Variants in SYNJ2 observed in about 807,000 individuals in gnomAD.
SYNJ2 encodes synaptojanin 2.
SYNJ2 carries 116 observed loss-of-function variants against 141.3 expected under a neutral mutation model. That is an observed-to-expected ratio of 0.82 (90% CI 0.71 to 0.96). SYNJ2 has a LOEUF of 0.96. Ranked by LOEUF, SYNJ2 falls within the 40% of genes least tolerant of loss-of-function variation. The probability of loss-of-function intolerance (pLI) is 0.00; values close to 1 mark genes in which losing one functional copy is unlikely to be tolerated. For synonymous variants in SYNJ2, 745 were observed against 777.7 expected, an observed-to-expected ratio of 0.96 and a Z score of 0.70; for missense variants, 1,873 against 1,934.8, an observed-to-expected ratio of 0.97 and a Z score of 0.60.
At chr6:157,991,649 G>A (rs1583283896) in intron 1 of SYNJ2, among the ~76,000 whole-genome samples, 2 of 152,268 alleles carry the variant, frequency 1.3e-5, no homozygotes, top group South Asian at 2.1e-4. Context: ...ACATGTCACT[G>A]TCACCATCGC....
chr6:158,042,093 GCC>G (rs1562350120), intron 4 of SYNJ2, among the ~76,000 whole-genome samples: 2 of 152,238 alleles, frequency 1.3e-5, no homozygotes, highest in African/African-American at 4.8e-5. Flanking sequence ...GGGCACACAC[GCC>G]GGTCAGTTGT....
Position 158,094,088 on chromosome 6 carries a change from T to C in SYNJ2, c.3744+984T>C, listed in dbSNP as rs909966937. On this transcript the variant is annotated intron_variant, in intron 26 of 26. Transcript: ENST00000355585. ...ACGATGCTGCTTCCCCCCTAGAGAG[T>C]GTGAGGGGGGCTTCGGCTTCACTCT... The C allele has an allele frequency of 5.8e-6, 4 of 691,452 alleles. No individual in the cohort carries two copies. The South Asian group carries it at 6.4e-5, about 11-fold the overall frequency. 42.8% of individuals were successfully genotyped at this position (691,452 alleles called of 1,614,324 possible).
At chr6:158,069,455 G>A in intron 13 of SYNJ2, 78 bp from the exon 14 acceptor site, 1 of 1,537,704 alleles carries the variant, frequency 6.5e-7, no homozygotes, top group East Asian at 2.3e-5. Context: ...AATAGGCTTG[G>A]GCTGGAGCAT....
Position 158,059,240 on chromosome 6 carries a change from C to G in SYNJ2, c.858-17C>G. 6.5e-7 allele frequency: 1 copy of G among 1,541,976 alleles called. No individual in the cohort carries two copies. Among genetic ancestry groups the G allele is most frequent in the Non-Finnish European group, 8.7e-7 (1 of 1,143,788 alleles). Reference sequence around the variant, plus strand: ...GTGCCCGTGCCCAGCATCACGCCCACCCCGCTGCCTTTGCAGGCACATGGT... The same window carrying G: ...GTGCCCGTGCCCAGCATCACGCCCAGCCCGCTGCCTTTGCAGGCACATGGT... On this transcript the variant is annotated splice_polypyrimidine_tract_variant and intron_variant, in intron 6 of 26. Transcript: ENST00000355585.
intron 1 of SYNJ2, among the ~76,000 whole-genome samples, chr6:157,999,125 G>T (rs1335253839): frequency 2.0e-5 from 3 of 152,228 alleles, no homozygotes; most frequent in Admixed American, 6.5e-5. Flanking sequence ...GTTCAACAGA[G>T]AAATTGGCAA....
At chr6:158,050,292 C>A (rs1172269935) in intron 5 of SYNJ2, among the ~76,000 whole-genome samples, 1 of 152,242 alleles carries the variant, frequency 6.6e-6, no homozygotes, top group Non-Finnish European at 1.5e-5. Flanking sequence ...TCTGGCTCAG[C>A]AGATCTGGGG....
At chr6:157,991,143 A>G (rs953798980) in intron 1 of SYNJ2, among the ~76,000 whole-genome samples, 1 of 152,158 alleles carries the variant, frequency 6.6e-6, no homozygotes, top group African/African-American at 2.4e-5. Context: ...GAATGATTCT[A>G]AGGAGGGGAA....
intron 7 of SYNJ2, among the ~76,000 whole-genome samples, chr6:158,060,087 G>A (rs907546925): frequency 1.3e-5 from 2 of 152,200 alleles, no homozygotes; most frequent in African/African-American, 4.8e-5. Context: ...CCGGCCTCAG[G>A]GCTCAGGAGC....
chr6:158,071,679 A>T lies in SYNJ2; in HGVS notation c.2018A>T (p.Gln673Leu). The T allele has an allele frequency of 6.2e-7, 1 of 1,614,110 alleles. No individual in the cohort carries two copies. The highest frequency in any genetic ancestry group is 8.5e-7 in the Non-Finnish European group (1 of 1,180,020). Reference sequence around the variant, plus strand: ...AAGGGCGCCGTCGGCATCCGCTTCCAGTTCCACAGCACCAGCTTCTGCTTC... The same window carrying T: ...AAGGGCGCCGTCGGCATCCGCTTCCTGTTCCACAGCACCAGCTTCTGCTTC... ...GNKGAVGIRF[Q>L]FHSTSFCFIC... Residue 673 changes from glutamine to leucine, a missense_variant, in exon 15 of 27, where the codon CAG (glutamine) becomes CTG (leucine). Gln to Leu is a moderately radical substitution (Grantham distance 113, BLOSUM62 -2). Transcript: ENST00000355585. The surrounding 1 kb of genome is among the most constrained non-coding windows in gnomAD (Gnocchi z 4.3).
intron 1 of SYNJ2, among the ~76,000 whole-genome samples, chr6:158,003,503 T>G (rs1231469300): frequency 6.6e-6 from 1 of 152,176 alleles, no homozygotes; most frequent in East Asian, 1.9e-4. Context: ...TTTGGCCTCT[T>G]GAGACCCTGA....
intron 1 of SYNJ2, among the ~76,000 whole-genome samples, chr6:158,006,007 G>A (rs1056624743): frequency 1.3e-5 from 2 of 152,080 alleles, no homozygotes; most frequent in Admixed American, 6.6e-5. Context: ...TGCCACATCC[G>A]TCCTGACCTC....
rs141704208 is a variant in SYNJ2 at position 158,095,896 on chromosome 6, C to T, written c.4023C>T (p.Pro1341=). The T allele has an allele frequency of 8.1e-6, 13 of 1,614,092 alleles. No individual in the cohort carries two copies. The Admixed American group carries it at 1.5e-4, about 19-fold the overall frequency. ...KVPPRRKKSA[P]AAFHLQVLQS... is the part of the protein sequence containing the mutation. ...CCCCGAGGAGGAAGAAGTCAGCCCC[C>T]GCAGCCTTCCACCTGCAGGTCCTGC... The change falls in exon 27 of 27, where the codon CCC becomes CCT. Residue 1341 remains proline, a synonymous_variant. Coordinates refer to ENST00000355585, the MANE Select transcript of SYNJ2 (RefSeq NM_003898.4).
chr6:158,024,689 C>T (rs1031339916), intron 2 of SYNJ2, among the ~76,000 whole-genome samples: 3 of 152,172 alleles, frequency 2.0e-5, no homozygotes, highest in Non-Finnish European at 4.4e-5. Flanking sequence ...CACACGGCTG[C>T]AGGGGCTGAT....
intron 2 of SYNJ2, among the ~76,000 whole-genome samples, chr6:158,020,226 C>CGA (rs1264794618): frequency 1.4e-5 from 2 of 147,760 alleles, no homozygotes; most frequent in Admixed American, 1.3e-4. Flanking sequence ...CTGCGTGACT[C>CGA]TGACTGTGTG....
At position 158,040,693 on chromosome 6, in the gene SYNJ2, C is replaced by G. The variant is rs1361996620; in HGVS notation, c.712-2623C>G. 6.6e-6 allele frequency among the ~76,000 whole-genome samples: 1 copy of G among 152,162 alleles called. No individual in the cohort carries two copies. Among genetic ancestry groups the G allele is most frequent in the African/African-American group, 2.4e-5 (1 of 41,438 alleles). ...CTGGAAGCAGAAGGTCAGCAGAAAG[C>G]CTTTCAGATAGAAGGTATATGTACC... On this transcript the variant is annotated intron_variant, in intron 4 of 26. Coordinates refer to ENST00000355585, the MANE Select transcript of SYNJ2 (RefSeq NM_003898.4). This position sits in a 1 kb window ranked among gnomAD's most constrained non-coding sequence, Gnocchi z 4.2.
In SYNJ2 at chr6:158,066,477, G is replaced by C. The variant is rs528543900; in HGVS notation, c.1559G>C (p.Arg520Pro). Residue 520 changes from arginine (R) to proline (P), a missense_variant, in exon 12 of 27, where the codon CGT becomes CCT. Physicochemically the swap from Arg to Pro is moderately radical, Grantham distance 103. Transcript: ENST00000355585. Reference sequence around the variant, plus strand: ...AGGATCCTGAAAGCTATGACTGAGCGTCAGTCCGAATTCACAAATTTCAAG... The same window carrying C: ...AGGATCCTGAAAGCTATGACTGAGCCTCAGTCCGAATTCACAAATTTCAAG... ...TPRILKAMTE[R>P]QSEFTNFKRI... The C allele has an allele frequency of 1.2e-5, 20 of 1,613,988 alleles. No homozygotes were observed. Among genetic ancestry groups the C allele is most frequent in the Non-Finnish European group, 1.6e-5 (19 of 1,180,046 alleles).
chr6:157,981,701 C>T (rs1204246805), upstream of SYNJ2, among the ~76,000 whole-genome samples: 1 of 151,794 alleles, frequency 6.6e-6, no homozygotes, highest in African/African-American at 2.4e-5. The surrounding 1 kb of genome is among the most constrained non-coding windows in gnomAD (Gnocchi z 6.4). Flanking sequence ...CCCCGGGGCG[C>T]GGCCTCGCGC....
At chr6:158,092,893 T>C (rs1783555096) in intron 25 of SYNJ2, 33 bp from the exon 26 acceptor site, 1 of 1,556,560 alleles carries the variant, frequency 6.4e-7, no homozygotes, top group Non-Finnish European at 8.6e-7. Context: ...TGCCTTGTCC[T>C]TTACACTTCA....
chr6:158,012,281 T>A (rs1054734738), intron 1 of SYNJ2, among the ~76,000 whole-genome samples: 9 of 152,246 alleles, frequency 5.9e-5, no homozygotes, highest in Admixed American at 5.2e-4. Context: ...AATGTGGCAC[T>A]TACATGGCAG....
Sources: gnomAD v4.1 joint callset for allele counts (sites outside exome capture counted in the v4.1 genomes callset) on GRCh38, gnomAD v4.1.1 for gene constraint, Gnocchi (gnomAD v3.1) non-coding constraint, MANE v1.5 for transcripts, NCBI Gene and HGNC (gene_info 2026-07-23, HGNC 2026-07-21) for gene names.